Variants in LAMA2 observed in about 807,000 individuals in gnomAD.
LAMA2 encodes the protein laminin subunit alpha-2.
A neutral mutation model predicts 364.8 loss-of-function variants in LAMA2; 269 were observed. The observed-to-expected ratio is 0.74, with a 90% CI of 0.67 to 0.82. The LOEUF (loss-of-function observed/expected upper bound fraction) is 0.82. Among genes scored for constraint, LAMA2 ranks in the 40% least tolerant of loss-of-function variants. The pLI, the probability that LAMA2 is intolerant of heterozygous loss-of-function variation, is 0.00. For missense variants in LAMA2, 3,807 were observed against 3,873.2 expected, an observed-to-expected ratio of 0.98 and a Z score of 0.45; for synonymous variants, 1,379 against 1,370.6, an observed-to-expected ratio of 1.01 and a Z score of -0.14.
intron 1 of LAMA2, among the ~76,000 whole-genome samples, chr6:128,993,039 T>G (rs1783700461): frequency 6.6e-6 from 1 of 152,182 alleles, no homozygotes; most frequent in African/African-American, 2.4e-5. Context: ...GCTATTTAAT[T>G]TCTCCTCCCA....
At chr6:129,208,884 A>G (rs1782899955) in intron 12 of LAMA2, among the ~76,000 whole-genome samples, 2 of 152,206 alleles carry the variant, frequency 1.3e-5, no homozygotes, top group South Asian at 2.1e-4. Context: ...TTGATATACA[A>G]AGTAACTGAC....
rs920416092 is a variant in LAMA2 at position 129,170,650 on chromosome 6, G to A, written c.1306+4975G>A. Among the ~76,000 whole-genome samples, 18 of 151,880 alleles carry A rather than the reference G, an allele frequency of 1.2e-4. 1 individual carries two copies. The East Asian group carries it at 2.7e-3, about 23-fold the overall frequency. The stretch of plus-strand genomic sequence containing the variant: ...AAAATGTATATTCTGTTGATTTGGG[G>A]TGGAGAGTTCTGTAGATGTTTATTA... On this transcript the variant is annotated intron_variant, in intron 9 of 64. Coordinates refer to ENST00000421865, the MANE Select transcript of LAMA2 (RefSeq NM_000426.4).
intron 9 of LAMA2, among the ~76,000 whole-genome samples, chr6:129,172,528 C>T (rs966749697): frequency 6.6e-6 from 1 of 152,232 alleles, no homozygotes; most frequent in African/African-American, 2.4e-5. Context: ...GGCAGTCTGC[C>T]CGTTCTTAGA....
chr6:129,261,708 C>G (rs550019314), intron 15 of LAMA2, among the ~76,000 whole-genome samples: 43 of 152,124 alleles, frequency 2.8e-4, no homozygotes, highest in African/African-American at 9.9e-4. Flanking sequence ...TTTGTCAGTT[C>G]TCTCGTACTT....
intron 1 of LAMA2, among the ~76,000 whole-genome samples, chr6:128,943,403 C>T (rs903593780): frequency 6.6e-6 from 1 of 151,970 alleles, no homozygotes; most frequent in Non-Finnish European, 1.5e-5. Flanking sequence ...CATGCCTCAG[C>T]CTTCTGAGTG....
intron 29 of LAMA2, among the ~76,000 whole-genome samples, chr6:129,335,213 T>A (rs1376529934): frequency 6.6e-6 from 1 of 152,164 alleles, no homozygotes; most frequent in African/African-American, 2.4e-5. Flanking sequence ...CATAGGCATG[T>A]TATTATGAAT....
chr6:129,432,529 A>G (rs1166962859), intron 41 of LAMA2, among the ~76,000 whole-genome samples: 2 of 152,210 alleles, frequency 1.3e-5, no homozygotes, highest in Non-Finnish European at 2.9e-5. Flanking sequence ...TTGTGTGTTC[A>G]GAATCAGAGT....
chr6:129,242,730 C>A (rs1263877059), intron 12 of LAMA2, among the ~76,000 whole-genome samples: 1 of 151,962 alleles, frequency 6.6e-6, no homozygotes, highest in African/African-American at 2.4e-5. Context: ...TTGCAAAGAC[C>A]CTGTTTTTGG....
At chr6:129,168,562 C>T (rs1412108486) in intron 9 of LAMA2, among the ~76,000 whole-genome samples, 1 of 150,042 alleles carries the variant, frequency 6.7e-6, no homozygotes. Context: ...GTTTTGGTTA[C>T]TGTAGACTTG....
chr6:129,269,801 G>A (rs1351531008), intron 16 of LAMA2, among the ~76,000 whole-genome samples: 1 of 152,064 alleles, frequency 6.6e-6, no homozygotes, highest in Non-Finnish European at 1.5e-5. Flanking sequence ...ATGGATCCAT[G>A]TTTTGCACAT....
At chr6:129,090,603 T>C (rs1774759023) in intron 3 of LAMA2, among the ~76,000 whole-genome samples, 1 of 152,240 alleles carries the variant, frequency 6.6e-6, no homozygotes, top group Admixed American at 6.5e-5. Flanking sequence ...GTGTGTCCAG[T>C]AGTGTTTCTT....
At chr6:129,012,836 T>G (rs1784845807) in intron 1 of LAMA2, among the ~76,000 whole-genome samples, 1 of 152,246 alleles carries the variant, frequency 6.6e-6, no homozygotes, top group Non-Finnish European at 1.5e-5. Context: ...AGGCTGTATT[T>G]GCAATAAGTG....
rs752807903 is a variant in LAMA2 at position 129,393,031 on chromosome 6, G to C, written c.5235-14G>C. ...TGAGCTCATTGTCTATTATTGGGCTGGGGGTGGTTACAGAGCTGCAGAAGC... is the reference window on the plus strand; with the variant it reads ...TGAGCTCATTGTCTATTATTGGGCTCGGGGTGGTTACAGAGCTGCAGAAGC... On this transcript the variant is annotated splice_polypyrimidine_tract_variant and intron_variant, in intron 36 of 64. Coordinates refer to ENST00000421865, the MANE Select transcript of LAMA2 (RefSeq NM_000426.4). 6.2e-7 allele frequency: 1 copy of C among 1,607,402 alleles called. No homozygotes were observed.
At chr6:129,168,371 C>G (rs1301405031) in intron 9 of LAMA2, among the ~76,000 whole-genome samples, 2 of 152,012 alleles carry the variant, frequency 1.3e-5, no homozygotes, top group African/African-American at 4.8e-5. Flanking sequence ...CCAGTTTCAG[C>G]TTTCTACATA....
intron 12 of LAMA2, among the ~76,000 whole-genome samples, chr6:129,224,997 G>A (rs1283497881): frequency 1.3e-5 from 2 of 152,080 alleles, no homozygotes; most frequent in Non-Finnish European, 2.9e-5. Context: ...ATTAATTATT[G>A]CCTCAATTTC....
At chr6:129,410,967 T>C (rs10456977) in intron 40 of LAMA2, among the ~76,000 whole-genome samples, 76,160 of 151,868 alleles carry the variant, frequency 0.5, 19,584 homozygotes, top group African/African-American at 0.62. Context: ...CCCAGCTCAA[T>C]CTGTAAGGCA....
chr6:129,296,843 TC>T (rs1773214490), intron 20 of LAMA2, among the ~76,000 whole-genome samples: 1 of 152,200 alleles, frequency 6.6e-6, no homozygotes, highest in Non-Finnish European at 1.5e-5. Context: ...TTTTCATTTT[TC>T]TGCTCGGAGT....
intron 30 of LAMA2, among the ~76,000 whole-genome samples, chr6:129,348,839 A>T (rs1776703633): frequency 6.6e-6 from 1 of 152,176 alleles, no homozygotes; most frequent in Admixed American, 6.5e-5. Flanking sequence ...TTGAAGCACC[A>T]GTGGCCATTT....
At chr6:129,029,638 A>G (rs1786088132) in intron 1 of LAMA2, among the ~76,000 whole-genome samples, 1 of 151,978 alleles carries the variant, frequency 6.6e-6, no homozygotes, top group African/African-American at 2.4e-5. Flanking sequence ...AATGATGAGC[A>G]ATTTTCTTAA....
Sources: allele counts gnomAD v4.1 joint callset (sites outside exome capture counted in the v4.1 genomes callset), GRCh38; gene constraint gnomAD v4.1.1; transcripts MANE v1.5; gene names NCBI Gene and HGNC (gene_info 2026-07-23, HGNC 2026-07-21).